Variants in PRH1 observed in about 807,000 individuals in gnomAD.
The protein encoded by PRH1 is proline rich protein HaeIII subfamily 1, also known as salivary acidic proline-rich phosphoprotein 1/2.
A neutral mutation model predicts 7.9 loss-of-function variants in PRH1; 7 were observed. The ratio of observed to expected loss-of-function variants is 0.89; its 90% CI spans 0.50 to 1.67. The LOEUF (loss-of-function observed/expected upper bound fraction) is 1.67. Ranked by LOEUF, PRH1 falls within the 40% of genes most tolerant of loss-of-function variation. The pLI, the probability that PRH1 is intolerant of heterozygous loss-of-function variation, is 0.00. For missense variants in PRH1, 109 were observed against 223.6 expected (o/e 0.49, Z 3.27); for synonymous variants, 45 against 80.8 (o/e 0.56, Z 2.38).
intron 2 of PRH1, among the ~76,000 whole-genome samples, chr12:10,940,321 A>T (rs953091818): frequency 1.3e-5 from 2 of 152,212 alleles, no homozygotes; most frequent in African/African-American, 4.8e-5. Flanking sequence ...TTTATTATGC[A>T]TCTAGTTCAT....
chr12:11,161,468 T>G (rs529277653), intron 1 of PRH1, among the ~76,000 whole-genome samples: 1 of 152,154 alleles, frequency 6.6e-6, no homozygotes, highest in Non-Finnish European at 1.5e-5. Flanking sequence ...AAACATTATA[T>G]GCAATAACTT....
chr12:11,134,130 G>A, intron 1 of PRH1: 3 of 1,614,134 alleles, frequency 1.9e-6, no homozygotes, highest in Non-Finnish European at 2.5e-6. Flanking sequence ...GAGATCTTTT[G>A]TCTCTTGACC....
intron 2 of PRH1, among the ~76,000 whole-genome samples, chr12:10,955,844 G>A (rs998465960): frequency 2.0e-5 from 3 of 151,880 alleles, no homozygotes; most frequent in Non-Finnish European, 4.4e-5. Context: ...TGGATAAACT[G>A]CTGGATATGT....
At position 11,024,324 on chromosome 12, in the gene PRH1, C is replaced by T. The variant is rs189491183; in HGVS notation, c.-126+22696G>A. Among the ~76,000 whole-genome samples the T allele has an allele frequency of 2.6e-5, 4 of 152,350 alleles. No individual in the cohort carries two copies. In the East Asian group the frequency reaches 7.7e-4, roughly 29 times the overall value. ...GTGTCATAAACACTCATGTAACCAT[C>T]ATGTAGGGCAAGACATGGAACATTG... is the stretch of plus-strand genomic sequence containing the variant. On this transcript the variant is annotated intron_variant, in intron 1 of 3. Coordinates refer to the PRH1 transcript ENST00000539853.
chr12:11,022,527 A>G, intron 1 of PRH1: 1 of 1,613,594 alleles, frequency 6.2e-7, no homozygotes, highest in Non-Finnish European at 8.5e-7. Context: ...GAACAAATGC[A>G]AACACTACCA....
At chr12:10,998,581 G>A (rs751570011) in intron 1 of PRH1, among the ~76,000 whole-genome samples, 15 of 152,016 alleles carry the variant, frequency 9.9e-5, no homozygotes, top group Non-Finnish European at 1.5e-4. Flanking sequence ...GGAAGGAATT[G>A]CTTTCTTGTA....
At chr12:11,044,963 C>T (rs1462682881) in intron 1 of PRH1, among the ~76,000 whole-genome samples, 1 of 151,920 alleles carries the variant, frequency 6.6e-6, no homozygotes, top group Non-Finnish European at 1.5e-5. Context: ...GTGTATATAC[C>T]CAAAAGAAAG....
In PRH1 at chr12:11,136,418, T is replaced by A. The variant is rs1042381869; in HGVS notation, n.40-15238A>T. On this transcript the variant is annotated intron_variant and non_coding_transcript_variant, in intron 1 of 1. Transcript: ENST00000541175. ...TCTGCTTCTTTTTTGAAGTTATGAATAATTCTACTAGAGAATTCTTTCATA... is the reference window on the plus strand; with the variant it reads ...TCTGCTTCTTTTTTGAAGTTATGAAAAATTCTACTAGAGAATTCTTTCATA... Among the ~76,000 whole-genome samples the A allele has an allele frequency of 6.2e-4, 94 of 152,246 alleles. 1 individual carries two copies. The highest frequency in any genetic ancestry group is 1.8e-4 in the Non-Finnish European group (12 of 68,046).
intron 2 of PRH1, among the ~76,000 whole-genome samples, chr12:10,961,673 C>T (rs2135933760): frequency 6.6e-6 from 1 of 152,316 alleles, no homozygotes; most frequent in East Asian, 1.9e-4. Context: ...TGAGGTCTGT[C>T]TTTCATAACA....
At chr12:11,162,558 G>A (rs925249487) in intron 1 of PRH1, among the ~76,000 whole-genome samples, 1 of 152,160 alleles carries the variant, frequency 6.6e-6, no homozygotes, top group East Asian at 1.9e-4. Context: ...GCATAAGTGT[G>A]TTCTATATGT....
chr12:10,989,544 C>G (rs752629026), intron 1 of PRH1, among the ~76,000 whole-genome samples: 1 of 152,150 alleles, frequency 6.6e-6, no homozygotes, highest in Non-Finnish European at 1.5e-5. Context: ...ACTAAATTCA[C>G]TTTTTGATAC....
rs139992964 is a variant in PRH1 at position 10,904,899 on chromosome 12, G to A, written c.-58-20624C>T. Among the ~76,000 whole-genome samples, 14 of 151,788 alleles carry A rather than the reference G, an allele frequency of 9.2e-5. No homozygotes were observed. The East Asian group carries it at 1.2e-3, about 13-fold the overall frequency. On this transcript the variant is annotated intron_variant, in intron 2 of 3. Transcript: ENST00000539853. Reference sequence around the variant, plus strand: ...AGGCACTTTTCAAAAGAAGACATACGAGCAGCCAACAAATATTTTAAAAGG... The same window carrying A: ...AGGCACTTTTCAAAAGAAGACATACAAGCAGCCAACAAATATTTTAAAAGG...
intron 1 of PRH1, among the ~76,000 whole-genome samples, chr12:11,016,054 G>T (rs574582040): frequency 6.6e-6 from 1 of 152,186 alleles, no homozygotes; most frequent in East Asian, 1.9e-4. Context: ...GGAACTTCCA[G>T]ACTGTGCTCC....
At chr12:11,145,470 G>A (rs1946834309) in intron 1 of PRH1, among the ~76,000 whole-genome samples, 2 of 152,116 alleles carry the variant, frequency 1.3e-5, no homozygotes, top group African/African-American at 4.8e-5. Context: ...TAGGATTACA[G>A]GTGTGAGCCA....
intron 1 of PRH1, among the ~76,000 whole-genome samples, chr12:11,023,520 A>G (rs1305367383): frequency 6.6e-6 from 1 of 152,212 alleles, no homozygotes; most frequent in Non-Finnish European, 1.5e-5. Context: ...ATAATCCTGC[A>G]GTACCCTCCC....
chr12:10,995,762 G>T (rs1430911005), intron 1 of PRH1, among the ~76,000 whole-genome samples: 1 of 152,020 alleles, frequency 6.6e-6, no homozygotes, highest in Admixed American at 6.6e-5. Flanking sequence ...CTTCAAAAAG[G>T]TTTTTGTTTA....
At chr12:10,892,841 G>A (rs545178012) in intron 2 of PRH1, among the ~76,000 whole-genome samples, 162 of 152,238 alleles carry the variant, frequency 1.1e-3, no homozygotes, top group African/African-American at 3.4e-3. Context: ...AGCCATCACA[G>A]CTCATTAATC....
intron 2 of PRH1, among the ~76,000 whole-genome samples, chr12:10,959,134 T>C (rs1456111925): frequency 6.6e-6 from 1 of 152,116 alleles, no homozygotes; most frequent in African/African-American, 2.4e-5. Context: ...GCCTTAAAGA[T>C]AGGTTCTGAA....
At chr12:11,163,819 C>T (rs1404883352) in intron 1 of PRH1, among the ~76,000 whole-genome samples, 1 of 152,136 alleles carries the variant, frequency 6.6e-6, no homozygotes, top group African/African-American at 2.4e-5. Flanking sequence ...ATACCATCCC[C>T]AAGTTTCTAA....
Sources: gnomAD v4.1 joint callset for allele counts (sites outside exome capture counted in the v4.1 genomes callset) on GRCh38, gnomAD v4.1.1 for gene constraint, MANE v1.5 for transcripts, NCBI Gene and HGNC (gene_info 2026-07-23, HGNC 2026-07-21) for gene names.